The following TMEM97 variants were observed in gnomAD, a reference collection of about 807,000 sequenced individuals.
TMEM97 encodes the protein sigma intracellular receptor 2.
TMEM97 carries 13 observed loss-of-function variants against 18.3 expected under a neutral mutation model. The ratio of observed to expected loss-of-function variants is 0.71; its 90% CI spans 0.46 to 1.13. The LOEUF (loss-of-function observed/expected upper bound fraction) is 1.13, where lower values mean the gene tolerates loss of function less well. TMEM97 is among the 50% of genes most tolerant of loss of function. The pLI, the probability that TMEM97 is intolerant of heterozygous loss-of-function variation, is 0.00. For synonymous variants in TMEM97, 76 were observed against 85.3 expected (o/e 0.89, Z 0.60); for missense variants, 205 against 210.5 (o/e 0.97, Z 0.16).
Position 28,327,217 on chromosome 17 carries a change from C to T in TMEM97, c.*424C>T, listed in dbSNP as rs1906391991. On this transcript the variant is annotated 3_prime_UTR_variant, in exon 3 of 3. Transcript: ENST00000226230. ...AACGCCTAGGCTCAAGTGATCTGCC[C>T]ACCTCAGTCTCCCTAAGTGCTGGGA... 1 of 194,048 alleles carries T rather than the reference C, an allele frequency of 5.2e-6. No individual in the cohort carries two copies. Among genetic ancestry groups the T allele is most frequent in the Non-Finnish European group, 1.1e-5 (1 of 92,206 alleles). The allele number at this position is 194,048 out of a possible 1,614,324, so 12.0% of individuals were successfully genotyped here.
intron 1 of TMEM97, among the ~76,000 whole-genome samples, 191 bp from the exon 2 acceptor site, chr17:28,325,312 G>A (rs1906287384): frequency 1.3e-5 from 2 of 152,182 alleles, no homozygotes. Context: ...ATTTGAGTTA[G>A]GGATAGTAAG....
At chr17:28,326,039 T>C (rs1238191328) in intron 2 of TMEM97, among the ~76,000 whole-genome samples, 1 of 152,258 alleles carries the variant, frequency 6.6e-6, no homozygotes, top group Non-Finnish European at 1.5e-5. Flanking sequence ...CCTAATGTGC[T>C]TCTCATTTTA....
Position 28,328,607 on chromosome 17 carries a change from CTTTT to C in TMEM97, c.*1819_*1822del. On this transcript the variant is annotated 3_prime_UTR_variant, in exon 3 of 3. Coordinates refer to ENST00000226230, the MANE Select transcript of TMEM97 (RefSeq NM_014573.3). ...CAGAGGTTTTTTTGGTTTTGAGAGG[CTTTT>C]TTTTGTTTTGCCTTCCTACTATAAA... The C allele has an allele frequency of 3.0e-6, 4 of 1,346,880 alleles. No individual in the cohort carries two copies. Among genetic ancestry groups the C allele is most frequent in the Non-Finnish European group, 4.2e-6 (4 of 961,030 alleles). The allele number at this position is 1,346,880 out of a possible 1,614,324, so 83.4% of individuals were successfully genotyped here. A position where few individuals can be genotyped will look rare whatever the true frequency, so the allele number is the denominator to read the frequency against.
intron 1 of TMEM97, among the ~76,000 whole-genome samples, chr17:28,320,782 C>A (rs1205465936): frequency 6.6e-6 from 1 of 152,220 alleles, no homozygotes; most frequent in South Asian, 2.1e-4. Context: ...CTTGCCTCTT[C>A]CATTTTCTGG....
At chr17:28,320,410 GT>G (rs1906098295) in intron 1 of TMEM97, among the ~76,000 whole-genome samples, 2 of 152,000 alleles carry the variant, frequency 1.3e-5, no homozygotes, top group African/African-American at 4.8e-5. Context: ...ACTCTTTTTT[GT>G]TTGCTTCTAG....
rs138205505 is a variant in TMEM97 at position 28,324,181 on chromosome 17, C to A, written c.127-1322C>A. On this transcript the variant is annotated intron_variant, in intron 1 of 2. Transcript: ENST00000226230. ...TTAGCCTTTGTGTTTCTTATCAATT[C>A]AATCCTATTCAAACCACATTCCCAT... 2.1e-3 allele frequency among the ~76,000 whole-genome samples: 314 copies of A among 152,274 alleles called. 1 individual carries two copies. The highest frequency in any genetic ancestry group is 7.2e-3 in the African/African-American group (299 of 41,542).
rs538038865 is a variant in TMEM97 at position 28,321,800 on chromosome 17, C to CTGTGTGTGTG, written c.126+2469_126+2478dup. Among the ~76,000 whole-genome samples the CTGTGTGTGTG allele has an allele frequency of 8.6e-3, 1,143 of 132,166 alleles. 7 individuals carry two copies. The highest frequency in any genetic ancestry group is 0.016 in the African/African-American group (540 of 34,382). 86.7% of individuals were successfully genotyped at this position (132,166 alleles called of 152,430 possible). On this transcript the variant is annotated intron_variant, in intron 1 of 2. Coordinates refer to ENST00000226230, the MANE Select transcript of TMEM97 (RefSeq NM_014573.3). ...AGTGCAGGCAGCATCTGGCCAGAAC[C>CTGTGTGTGTG]TGTGTGTGTGTGTGTGTGTGTGTGT...
chr17:28,321,463 A>G (rs1906137876), intron 1 of TMEM97, among the ~76,000 whole-genome samples: 1 of 152,172 alleles, frequency 6.6e-6, no homozygotes, highest in Non-Finnish European at 1.5e-5. Flanking sequence ...TTTTAGAAAC[A>G]GGGTCCTTTG....
Position 28,319,306 on chromosome 17 carries a change from C to T in TMEM97, c.67C>T (p.Pro23Ser). 1 of 1,611,386 alleles carries T rather than the reference C, an allele frequency of 6.2e-7. No individual in the cohort carries two copies. The highest frequency in any genetic ancestry group is 8.5e-7 in the Non-Finnish European group (1 of 1,178,834). ...LLGLYFLSHIPITLFMDLQAV... is the reference protein window; with the variant it reads ...LLGLYFLSHISITLFMDLQAV... Reference sequence around the variant, plus strand: ...GGGCCTCTACTTCCTCAGCCACATCCCCATCACCCTGTTCATGGACCTGCA... The same window carrying T: ...GGGCCTCTACTTCCTCAGCCACATCTCCATCACCCTGTTCATGGACCTGCA... The change falls in exon 1 of 3, where the codon CCC becomes TCC. Residue 23 changes from proline to serine, a missense_variant. Pro to Ser is a moderately conservative substitution (Grantham distance 74, BLOSUM62 -1). Coordinates refer to ENST00000226230, the MANE Select transcript of TMEM97 (RefSeq NM_014573.3).
intron 1 of TMEM97, among the ~76,000 whole-genome samples, chr17:28,321,773 C>CCAGTG (rs1555574912): frequency 6.6e-6 from 1 of 150,388 alleles, no homozygotes; most frequent in African/African-American, 2.5e-5. Flanking sequence ...GGCCCAAGGG[C>CCAGTG]CAGTGCAGGC....
At position 28,319,496 on chromosome 17, in the gene TMEM97, C is replaced by T. The variant is rs1045608127; in HGVS notation, c.126+131C>T. On this transcript the variant is annotated intron_variant, in intron 1 of 2. Transcript: ENST00000226230. ...TCTCGGGTCCTGCCCATGCCTCCCCCGCTCCTAACCCAACTTTAGTTCGGT... is the reference window on the plus strand; with the variant it reads ...TCTCGGGTCCTGCCCATGCCTCCCCTGCTCCTAACCCAACTTTAGTTCGGT... The T allele has an allele frequency of 5.3e-6, 6 of 1,122,262 alleles. No individual in the cohort carries two copies. The South Asian group carries it at 7.5e-5, about 14-fold the overall frequency. 69.5% of individuals were successfully genotyped at this position (1,122,262 alleles called of 1,614,324 possible). A position where few individuals can be genotyped will look rare whatever the true frequency, so the allele number is the denominator to read the frequency against.
chr17:28,324,107 T>C (rs1906247766), intron 1 of TMEM97, among the ~76,000 whole-genome samples: 1 of 152,210 alleles, frequency 6.6e-6, no homozygotes, highest in Non-Finnish European at 1.5e-5. Flanking sequence ...CTAGTCCAAG[T>C]TGCTCATTTT....
At chr17:28,319,441 C>T (rs2142153100) in intron 1 of TMEM97, 76 bp downstream of exon 1, 35 of 1,437,730 alleles carry the variant, frequency 2.4e-5, no homozygotes, top group Non-Finnish European at 3.1e-5. Flanking sequence ...ACCTCCTCCG[C>T]GCTCGCGCAC....
chr17:28,321,814 GT>G (rs1906154472), intron 1 of TMEM97, among the ~76,000 whole-genome samples: 1 of 149,330 alleles, frequency 6.7e-6, no homozygotes, highest in African/African-American at 2.5e-5. Flanking sequence ...GTGTGTGTGT[GT>G]GTGTGTGTGT....
chr17:28,327,789 T>C lies in TMEM97; in HGVS notation c.*996T>C, dbSNP rs1321234093. On this transcript the variant is annotated 3_prime_UTR_variant, in exon 3 of 3. Coordinates refer to ENST00000226230, the MANE Select transcript of TMEM97 (RefSeq NM_014573.3). ...ACAGATCATCCTAGGCGAAAGTTTTTTTTGTTTGTTTGCTTTTAAATTAGT... is the reference window on the plus strand; with the variant it reads ...ACAGATCATCCTAGGCGAAAGTTTTCTTTGTTTGTTTGCTTTTAAATTAGT... 6.6e-6 allele frequency: 1 copy of C among 152,262 alleles called. No individual in the cohort carries two copies. The highest frequency in any genetic ancestry group is 2.4e-5 in the African/African-American group (1 of 41,470). The allele number at this position is 152,262 out of a possible 1,614,324, so 9.4% of individuals were successfully genotyped here.
Position 28,326,517 on chromosome 17 carries a change from TCCCC to T in TMEM97, c.272-16_272-13del. 1 of 1,609,504 alleles carries T rather than the reference TCCCC, an allele frequency of 6.2e-7. No individual in the cohort carries two copies. The highest frequency in any genetic ancestry group is 1.7e-5 in the Admixed American group (1 of 59,700). ...TGAACAGACCTAACCATTTTTCTTT[TCCCC>T]TGACTACCTCAGGAAGCTGCAAGTG... On this transcript the variant is annotated splice_polypyrimidine_tract_variant and intron_variant, in intron 2 of 2. Coordinates refer to ENST00000226230, the MANE Select transcript of TMEM97 (RefSeq NM_014573.3).
chr17:28,322,070 A>T (rs1432210958), intron 1 of TMEM97, among the ~76,000 whole-genome samples: 1 of 152,086 alleles, frequency 6.6e-6, no homozygotes, highest in Non-Finnish European at 1.5e-5. Context: ...GCCAAAATTT[A>T]ACATCTGTCA....
Position 28,319,365 on chromosome 17 carries a change from G to A in TMEM97, c.126G>A (p.Glu42=), listed in dbSNP as rs529097440. ...TGCCGCGCGAGCTCTACCCAGTCGA[G>A]GTGAGGGGCGCCCCTCTTATCCCGG... ...AVLPRELYPV[E]FRNLLKWYAK... The change falls in exon 1 of 3, where the codon GAG becomes GAA. Residue 42 remains glutamate, a splice_region_variant and synonymous_variant. Coordinates refer to ENST00000226230, the MANE Select transcript of TMEM97 (RefSeq NM_014573.3). 27 of 1,589,208 alleles carry A rather than the reference G, an allele frequency of 1.7e-5. No homozygotes were observed. The East Asian group carries it at 5.9e-4, about 35-fold the overall frequency.
rs1388453014 is a variant in TMEM97, at chr17:28,326,762, A to G, written c.500A>G (p.Tyr167Cys). The stretch of plus-strand genomic sequence containing the variant: ...ATTTTCATGTTGCGGAGCCCCTACT[A>G]CAAGTATGAAGAGAAAAGAAAAAAA... ...LLIFMLRSPYYKYEEKRKKK is the reference protein window; with the variant it reads ...LLIFMLRSPYCKYEEKRKKK The change falls in exon 3 of 3, where the codon TAC becomes TGC. Residue 167 changes from tyrosine (Y) to cysteine (C), a missense_variant. Tyr to Cys is a radical substitution (Grantham distance 194). Transcript: ENST00000226230. The G allele has an allele frequency of 1.2e-6, 2 of 1,613,704 alleles. No individual in the cohort carries two copies. Among genetic ancestry groups the G allele is most frequent in the Non-Finnish European group, 1.7e-6 (2 of 1,179,984 alleles).
Sources: gnomAD v4.1 joint callset for allele counts (sites outside exome capture counted in the v4.1 genomes callset) on GRCh38, gnomAD v4.1.1 for gene constraint, MANE v1.5 for transcripts, NCBI Gene and HGNC (gene_info 2026-07-23, HGNC 2026-07-21) for gene names.